THSD7B: variants seen among roughly 807,000 people sequenced by gnomAD.
THSD7B encodes thrombospondin type-1 domain-containing protein 7B.
Under a neutral mutation model 213.6 loss-of-function variants are expected in THSD7B, and 138 were observed. That is an observed-to-expected ratio of 0.65 (90% confidence interval 0.56 to 0.74). THSD7B has a LOEUF of 0.74. THSD7B is among the 30% of genes least tolerant of loss of function. The pLI, the probability that THSD7B is intolerant of heterozygous loss-of-function variation, is 0.00. For missense variants in THSD7B, 1,931 were observed against 1,991.5 expected, an observed-to-expected ratio of 0.97 and a Z score of 0.58; for synonymous variants, 742 against 687.0, an observed-to-expected ratio of 1.08 and a Z score of -1.25.
intron 12 of THSD7B, among the ~76,000 whole-genome samples, chr2:137,304,893 G>A (rs1288989792): frequency 6.6e-6 from 1 of 151,996 alleles, no homozygotes; most frequent in Non-Finnish European, 1.5e-5. Context: ...TATTCATAAT[G>A]TACATGAGTA....
intron 14 of THSD7B, among the ~76,000 whole-genome samples, chr2:137,446,428 T>A (rs1687541097): frequency 6.6e-6 from 1 of 152,048 alleles, no homozygotes; most frequent in African/African-American, 2.4e-5. Context: ...TCTCTGGGCT[T>A]CAATTCTATT....
chr2:137,056,879 A>C lies in THSD7B; in HGVS notation c.599A>C (p.Gln200Pro), dbSNP rs1208039805. The stretch of plus-strand genomic sequence containing the variant: ...AGCAAGGGATGTGGGAAGAAATTGC[A>C]GCATAGAACTCGCGCGGTCATAGCT... ...NCSKGCGKKL[Q>P]HRTRAVIAPP... The change falls in exon 3 of 28, where the codon CAG becomes CCG. Residue 200 changes from glutamine to proline, a missense_variant. Transcript: ENST00000409968. 2 of 1,613,972 alleles carry C rather than the reference A, an allele frequency of 1.2e-6. No homozygotes were observed. Among genetic ancestry groups the C allele is most frequent in the Non-Finnish European group, 8.5e-7 (1 of 1,179,882 alleles).
At chr2:137,315,103 A>G (rs1177211756) in intron 12 of THSD7B, among the ~76,000 whole-genome samples, 1 of 152,046 alleles carries the variant, frequency 6.6e-6, no homozygotes, top group African/African-American at 2.4e-5. Flanking sequence ...CCCCTCCCCC[A>G]GCCTCGCTGC....
At chr2:137,572,701 G>T in intron 17 of THSD7B, 145 bp downstream of exon 17, 2 of 1,027,808 alleles carry the variant, frequency 1.9e-6, no homozygotes, top group Non-Finnish European at 1.3e-6. Flanking sequence ...TCCAAAGAAA[G>T]AAAAAAAGAA....
At chr2:137,064,849 T>C (rs1162043388) in intron 3 of THSD7B, among the ~76,000 whole-genome samples, 1 of 152,088 alleles carries the variant, frequency 6.6e-6, no homozygotes, top group Non-Finnish European at 1.5e-5. Flanking sequence ...TTCTCTACTC[T>C]GTTCCAGTGA....
chr2:137,301,211 G>T (rs1197791674), intron 12 of THSD7B, among the ~76,000 whole-genome samples: 1 of 152,036 alleles, frequency 6.6e-6, no homozygotes, highest in Admixed American at 6.6e-5. Context: ...CTTTTGAACT[G>T]CTGCTCCTGA....
At chr2:136,798,587 C>T (rs531419517) in intron 1 of THSD7B, among the ~76,000 whole-genome samples, 1 of 152,010 alleles carries the variant, frequency 6.6e-6, no homozygotes, top group African/African-American at 2.4e-5. Context: ...TTTTAGTTAA[C>T]GACTCCCTCC....
At chr2:136,791,306 G>A (rs565007767) in intron 1 of THSD7B, among the ~76,000 whole-genome samples, 257 of 151,598 alleles carry the variant, frequency 1.7e-3, no homozygotes, top group African/African-American at 5.9e-3. Context: ...TCCACAACCC[G>A]GTAATTTTAT....
chr2:136,916,144 T>TA (rs1684344731), intron 2 of THSD7B, among the ~76,000 whole-genome samples: 1 of 152,232 alleles, frequency 6.6e-6, no homozygotes, highest in African/African-American at 2.4e-5. Context: ...TTATTTTTTT[T>TA]AATCCACTAC....
At chr2:136,995,568 T>C (rs1685869472) in intron 2 of THSD7B, among the ~76,000 whole-genome samples, 2 of 152,088 alleles carry the variant, frequency 1.3e-5, no homozygotes, top group Non-Finnish European at 2.9e-5. Context: ...TTCCTTGAAA[T>C]AGAATGACCC....
At chr2:136,900,210 C>G (rs1265740500) in intron 2 of THSD7B, among the ~76,000 whole-genome samples, 1 of 152,184 alleles carries the variant, frequency 6.6e-6, no homozygotes, top group Non-Finnish European at 1.5e-5. Context: ...AGACCAGGAT[C>G]TCTAAACCAA....
chr2:137,138,392 T>A (rs1573847092), intron 5 of THSD7B, among the ~76,000 whole-genome samples: 1 of 152,158 alleles, frequency 6.6e-6, no homozygotes, highest in Non-Finnish European at 1.5e-5. Context: ...TCCTAACAGC[T>A]TTTGGTGTTT....
Position 137,245,946 on chromosome 2 carries a change from G to A in THSD7B, c.2266+3374G>A, listed in dbSNP as rs149055061. ...ATAGACCGAAATGGGGCCTGGAATT[G>A]TATATTTCTATAAGTTCCCAGGTGA... On this transcript the variant is annotated intron_variant, in intron 10 of 27. Coordinates refer to ENST00000409968, the MANE Select transcript of THSD7B (RefSeq NM_001316349.2). Among the ~76,000 whole-genome samples, 103 of 152,294 alleles carry A rather than the reference G, an allele frequency of 6.8e-4. 1 individual carries two copies. In the East Asian group the frequency reaches 0.011, roughly 16 times the overall value.
intron 3 of THSD7B, among the ~76,000 whole-genome samples, chr2:137,061,884 G>T (rs936421654): frequency 2.6e-5 from 4 of 151,798 alleles, no homozygotes; most frequent in Non-Finnish European, 5.9e-5. Flanking sequence ...GAATTGGAAA[G>T]TATTTTCTGT....
chr2:137,276,269 G>T (rs1682869291), intron 12 of THSD7B, among the ~76,000 whole-genome samples: 1 of 143,792 alleles, frequency 7.0e-6, no homozygotes, highest in Admixed American at 6.9e-5. Context: ...TCTGTTCTCG[G>T]TCATAGTGTA....
rs545200501 is a variant in THSD7B, at chr2:136,878,742, C to T, written c.-35-3402C>T. Among the ~76,000 whole-genome samples, 15 of 152,250 alleles carry T rather than the reference C, an allele frequency of 9.9e-5. No individual in the cohort carries two copies. In the South Asian group the frequency reaches 2.1e-3, roughly 21 times the overall value. On this transcript the variant is annotated intron_variant, in intron 1 of 27. Transcript: ENST00000409968. ...TTGAGAAGTGTCTGTTCATAGACTT[C>T]GCCCACTTGTTAATGGGGTTGTTTG... is the stretch of plus-strand genomic sequence containing the variant.
At chr2:137,528,034 G>A (rs1236538523) in intron 15 of THSD7B, among the ~76,000 whole-genome samples, 1 of 152,078 alleles carries the variant, frequency 6.6e-6, no homozygotes, top group African/African-American at 2.4e-5. Flanking sequence ...TTGAGTTTTT[G>A]TCACTTACAA....
chr2:136,801,016 G>GT (rs1414646836), intron 1 of THSD7B, among the ~76,000 whole-genome samples: 2 of 151,356 alleles, frequency 1.3e-5, no homozygotes, highest in African/African-American at 2.4e-5. Context: ...TAGACCTGGA[G>GT]TTTTTTTTTC....
rs553400247 is a variant in THSD7B at position 137,095,037 on chromosome 2, C to T, written c.1115C>T (p.Ala372Val). ...RSRSRNVKHM[A>V]IGGGKECPEL... Reference sequence around the variant, plus strand: ...AGGAGCCGGAACGTGAAGCACATGGCTATTGGAGGTGGAAAGGAGTGTCCT... The same window carrying T: ...AGGAGCCGGAACGTGAAGCACATGGTTATTGGAGGTGGAAAGGAGTGTCCT... Residue 372 changes from alanine (A) to valine (V), a missense_variant, in exon 4 of 28, where the codon GCT becomes GTT. Ala to Val is a moderately conservative substitution (Grantham distance 64). Coordinates refer to ENST00000409968, the MANE Select transcript of THSD7B (RefSeq NM_001316349.2). 1.2e-6 allele frequency: 2 copies of T among 1,613,766 alleles called. No homozygotes were observed. Among genetic ancestry groups the T allele is most frequent in the Admixed American group, 3.3e-5 (2 of 59,936 alleles).
Sources: allele counts gnomAD v4.1 joint callset (sites outside exome capture counted in the v4.1 genomes callset), GRCh38; gene constraint gnomAD v4.1.1; transcripts MANE v1.5; gene names NCBI Gene and HGNC (gene_info 2026-07-23, HGNC 2026-07-21).